NHSL1: variants seen among roughly 807,000 people sequenced by gnomAD.
NHSL1 encodes the protein NHS-like protein 1.
A neutral mutation model predicts 95.0 loss-of-function variants in NHSL1; 48 were observed. The observed-to-expected ratio is 0.51, with a 90% CI of 0.40 to 0.64. The LOEUF (loss-of-function observed/expected upper bound fraction) is 0.64, where lower values mean the gene tolerates loss of function less well. NHSL1 is among the 30% of genes least tolerant of loss of function. The pLI, the probability that NHSL1 is intolerant of heterozygous loss-of-function variation, is 0.00. For missense variants in NHSL1, 1,971 were observed against 2,077.7 expected (o/e 0.95, Z 1.00); for synonymous variants, 783 against 833.9 (o/e 0.94, Z 1.05).
At chr6:138,672,415 C>T (rs1785384796) in intron 1 of NHSL1, among the ~76,000 whole-genome samples, 1 of 152,082 alleles carries the variant, frequency 6.6e-6, no homozygotes, top group African/African-American at 2.4e-5. Context: ...CCGCCCAGCA[C>T]TCAACAATAA....
At chr6:138,572,101 T>C (rs930570088) in exon 1 of NHSL1, 5 of 564,184 alleles carry the variant, frequency 8.9e-6, no homozygotes, top group East Asian at 2.9e-5. Context: ...AAGGAGGGGT[T>C]AAGAAAGAAA....
At chr6:138,568,087 T>A (rs1783687034) in intron 1 of NHSL1, among the ~76,000 whole-genome samples, 1 of 152,336 alleles carries the variant, frequency 6.6e-6, no homozygotes, top group South Asian at 2.1e-4. Flanking sequence ...TCAAGGACCT[T>A]CCACAGTGCT....
At chr6:138,498,444 G>A (rs999994496) in intron 1 of NHSL1, among the ~76,000 whole-genome samples, 1 of 152,096 alleles carries the variant, frequency 6.6e-6, no homozygotes, top group East Asian at 1.9e-4. Flanking sequence ...TCAGCCCACC[G>A]TGCTGCTCTT....
At chr6:138,672,514 A>G (rs9484197) in intron 1 of NHSL1, among the ~76,000 whole-genome samples, 4,152 of 152,258 alleles carry the variant, frequency 0.027, 192 homozygotes, top group African/African-American at 0.094. Context: ...ACTTCAGCTC[A>G]GTCTAGGTCT....
chr6:138,426,137 G>C (rs1775246788), intron 7 of NHSL1, among the ~76,000 whole-genome samples: 1 of 152,208 alleles, frequency 6.6e-6, no homozygotes, highest in Non-Finnish European at 1.5e-5. Flanking sequence ...AAGTGCAGGA[G>C]AACTTGCTTT....
rs1348780071 is a variant in NHSL1, at chr6:138,616,341, C to T, written c.96+76135G>A. ...AGCCTACAACATTGTATTCCTTGAA[C>T]ACCAAGATATTAGTCAATGAACAAC... On this transcript the variant is annotated intron_variant, in intron 1 of 3. Coordinates refer to the NHSL1 transcript ENST00000491526. Among the ~76,000 whole-genome samples the T allele has an allele frequency of 3.9e-5, 6 of 152,126 alleles. No individual in the cohort carries two copies. In the East Asian group the frequency reaches 1.2e-3, roughly 29 times the overall value.
rs1339156234 is a variant in NHSL1 at position 138,499,362 on chromosome 6, G to A, written c.-72C>T. Reference sequence around the variant, plus strand: ...GCTCAGCCCAGTAGGCAGGTGGCAAGCTTCGTCCTTCTGCTACAGATTCTA... The same window carrying A: ...GCTCAGCCCAGTAGGCAGGTGGCAAACTTCGTCCTTCTGCTACAGATTCTA... On this transcript the variant is annotated 5_prime_UTR_variant, in exon 1 of 8. Coordinates refer to ENST00000343505, the MANE Select transcript of NHSL1 (RefSeq NM_001144060.2). The A allele has an allele frequency of 3.9e-6, 6 of 1,535,966 alleles. No individual in the cohort carries two copies. The highest frequency in any genetic ancestry group is 2.8e-5 in the African/African-American group (2 of 72,138).
At chr6:138,636,868 A>G (rs1041842089) in intron 1 of NHSL1, among the ~76,000 whole-genome samples, 12 of 152,258 alleles carry the variant, frequency 7.9e-5, no homozygotes. Context: ...TGCAATCCCT[A>G]TCAAAATATG....
chr6:138,572,764 T>C (rs1783887149), upstream of NHSL1, among the ~76,000 whole-genome samples: 1 of 152,106 alleles, frequency 6.6e-6, no homozygotes, highest in African/African-American at 2.4e-5. Flanking sequence ...AATACAGACT[T>C]CTGGGCATAA....
At chr6:138,625,505 C>T (rs1202589227) in intron 1 of NHSL1, among the ~76,000 whole-genome samples, 2 of 152,078 alleles carry the variant, frequency 1.3e-5, no homozygotes, top group Non-Finnish European at 2.9e-5. Flanking sequence ...CTTATCACCA[C>T]TCCTTACTGG....
chr6:138,552,344 C>T (rs528494962), intron 1 of NHSL1, among the ~76,000 whole-genome samples: 10 of 152,034 alleles, frequency 6.6e-5, no homozygotes, highest in Middle Eastern at 3.2e-3. Context: ...CGCTTGAACC[C>T]GGGAGGTGGA....
intron 1 of NHSL1, among the ~76,000 whole-genome samples, chr6:138,629,970 A>AAAGATTTACACTAACTGGCTGGG (rs1198626677): frequency 6.6e-6 from 1 of 152,234 alleles, no homozygotes; most frequent in Non-Finnish European, 1.5e-5. Flanking sequence ...GTTTTGATTA[A>AAAGATTTACACTAACTGGCTGGG]AAGATTTACA....
At chr6:138,572,867 A>ATAGG (rs772855390), upstream of NHSL1, among the ~76,000 whole-genome samples, 1 of 152,144 alleles carries the variant, frequency 6.6e-6, no homozygotes, top group Non-Finnish European at 1.5e-5. Flanking sequence ...AGATAGATAG[A>ATAGG]TAGATAGATA....
chr6:138,439,303 T>C (rs1320674406), intron 5 of NHSL1, among the ~76,000 whole-genome samples: 2 of 152,222 alleles, frequency 1.3e-5, no homozygotes, highest in Non-Finnish European at 2.9e-5. Flanking sequence ...ATTTTCTTTT[T>C]TGTCTAATTT....
At chr6:138,613,295 T>C (rs1213127946) in intron 1 of NHSL1, among the ~76,000 whole-genome samples, 1 of 152,168 alleles carries the variant, frequency 6.6e-6, no homozygotes, top group African/African-American at 2.4e-5. Flanking sequence ...TAGATGATGG[T>C]ATCTGGCCTT....
In NHSL1 at chr6:138,541,142, G is replaced by A. The variant is rs374163296; in HGVS notation, c.16+4481C>T. Among the ~76,000 whole-genome samples, 30 of 152,222 alleles carry A rather than the reference G, an allele frequency of 2.0e-4. No individual in the cohort carries two copies. The Middle Eastern group carries it at 0.034, about 173-fold the overall frequency. On this transcript the variant is annotated intron_variant, in intron 1 of 4. Coordinates refer to the NHSL1 transcript ENST00000342260. Reference sequence around the variant, plus strand: ...CAACACTTTGGGAGGCTGAGGCGGCGAATTACTTGAGGTCAGGAGGTCGAG... The same window carrying A: ...CAACACTTTGGGAGGCTGAGGCGGCAAATTACTTGAGGTCAGGAGGTCGAG...
Position 138,491,164 on chromosome 6 carries a change from A to G in NHSL1, c.211+5055T>C, listed in dbSNP as rs558813699. On this transcript the variant is annotated intron_variant, in intron 2 of 7. Coordinates refer to ENST00000343505, the MANE Select transcript of NHSL1 (RefSeq NM_001144060.2). ...GGAGCATGCTGACCTGCTAAAATGCATTTCTTCAGGAAAGAGCTGTGACTA... is the reference window on the plus strand; with the variant it reads ...GGAGCATGCTGACCTGCTAAAATGCGTTTCTTCAGGAAAGAGCTGTGACTA... Among the ~76,000 whole-genome samples, 6 of 152,314 alleles carry G rather than the reference A, an allele frequency of 3.9e-5. No individual in the cohort carries two copies. In the South Asian group the frequency reaches 1.2e-3, roughly 32 times the overall value.
At chr6:138,575,711 G>A (rs1051778060), upstream of NHSL1, among the ~76,000 whole-genome samples, 1 of 152,144 alleles carries the variant, frequency 6.6e-6, no homozygotes, top group Non-Finnish European at 1.5e-5. Flanking sequence ...TCTTAACTAT[G>A]CATATTAGAT....
chr6:138,550,298 G>A (rs557179056), upstream of NHSL1, among the ~76,000 whole-genome samples: 23 of 152,036 alleles, frequency 1.5e-4, no homozygotes, highest in Non-Finnish European at 3.1e-4. Flanking sequence ...GTATGTCTGA[G>A]AATAAAACAT....
Sources: gnomAD v4.1 joint callset for allele counts (sites outside exome capture counted in the v4.1 genomes callset) on GRCh38, gnomAD v4.1.1 for gene constraint, MANE v1.5 for transcripts, NCBI Gene and HGNC (gene_info 2026-07-23, HGNC 2026-07-21) for gene names.